The following ABR variants were observed in gnomAD, a reference collection of about 807,000 sequenced individuals.
ABR encodes the protein active breakpoint cluster region-related protein.
ABR carries 35 observed loss-of-function variants against 107.2 expected under a neutral mutation model. That is an observed-to-expected ratio of 0.33 (90% CI 0.25 to 0.43). ABR has a LOEUF of 0.43. ABR is among the 20% of genes least tolerant of loss of function. The pLI is 1.00. For missense variants in ABR, 815 were observed against 1,115.2 expected, an observed-to-expected ratio of 0.73 and a Z score of 3.83; for synonymous variants, 498 against 462.0, an observed-to-expected ratio of 1.08 and a Z score of -1.00.
At position 1,117,561 on chromosome 17, in the gene ABR, GTTATCCCTGAGCCCGAGTTCCTCCCAGCA is replaced by G. The variant is rs2039074685; in HGVS notation, c.246+7593_246+7621del. Reference sequence around the variant, plus strand: ...TCCCTGAACCCGAGTTCCTCCCAGCGTTATCCCTGAGCCCGAGTTCCTCCCAGCATTATCCCTGAGCCCGAGTTCCTCCC... The same window carrying G: ...TCCCTGAACCCGAGTTCCTCCCAGCGTTATCCCTGAGCCCGAGTTCCTCCC... On this transcript the variant is annotated intron_variant, in intron 2 of 22. Coordinates refer to ENST00000302538, the MANE Select transcript of ABR (RefSeq NM_021962.5). Among the ~76,000 whole-genome samples, 32 of 15,500 alleles carry G rather than the reference GTTATCCCTGAGCCCGAGTTCCTCCCAGCA, an allele frequency of 2.1e-3. 7 individuals carry two copies. The highest frequency in any genetic ancestry group is 3.6e-3 in the Admixed American group (6 of 1,682). 10.2% of individuals were successfully genotyped at this position (15,500 alleles called of 152,430 possible).
intron 5 of ABR, among the ~76,000 whole-genome samples, 196 bp from the exon 6 acceptor site, chr17:1,079,586 C>G (rs550414975): frequency 1.3e-5 from 2 of 151,940 alleles, no homozygotes; most frequent in Non-Finnish European, 2.9e-5. Flanking sequence ...GTCGGAAGTT[C>G]GAGACCAGCC....
chr17:1,183,933 A>G (rs62070500), upstream of ABR, among the ~76,000 whole-genome samples: 21,255 of 152,212 alleles, frequency 0.14, 2,933 homozygotes, highest in African/African-American at 0.35. Context: ...GGGACTGGCC[A>G]GGCGCGGTGG....
At chr17:1,066,530 ACT>A in intron 10 of ABR, among the ~76,000 whole-genome samples, 1 of 144,626 alleles carries the variant, frequency 6.9e-6, no homozygotes, top group Non-Finnish European at 1.5e-5. Context: ...CTCTACCTCC[ACT>A]TTTTTTTTTT....
chr17:1,113,665 A>C (rs1010041115), intron 2 of ABR, among the ~76,000 whole-genome samples: 1 of 152,090 alleles, frequency 6.6e-6, no homozygotes, highest in East Asian at 1.9e-4. Flanking sequence ...GCTGCGTCAG[A>C]TGTGCCCGCT....
At chr17:1,082,819 C>T (rs1296721951) in intron 5 of ABR, among the ~76,000 whole-genome samples, 1 of 152,140 alleles carries the variant, frequency 6.6e-6, no homozygotes. Context: ...CCCAGTGATT[C>T]TTATCAAGCA....
intron 1 of ABR, among the ~76,000 whole-genome samples, chr17:1,159,923 G>A (rs999671678): frequency 1.3e-5 from 2 of 152,224 alleles, no homozygotes; most frequent in African/African-American, 4.8e-5. Context: ...TCCAGGGCCT[G>A]ATCTCGGCGA....
chr17:1,194,582 C>T lies in ABR; in HGVS notation c.838+34211G>A, dbSNP rs2150701771. Among the ~76,000 whole-genome samples, 2 of 129,314 alleles carry T rather than the reference C, an allele frequency of 1.5e-5. 1 individual carries two copies. Among genetic ancestry groups the T allele is most frequent in the Admixed American group, 1.9e-4 (2 of 10,654 alleles). The allele number at this position is 129,314 out of a possible 152,430, so 84.8% of individuals were successfully genotyped here. A position where few individuals can be genotyped will look rare whatever the true frequency, so the allele number is the denominator to read the frequency against. On this transcript the variant is annotated intron_variant, in intron 1 of 22. Coordinates refer to the ABR transcript ENST00000574139. ...TCATAGCTCACTACAGTCTCGACCT[C>T]CCAGGCTCAAGCCATCCCCCTGCCT...
chr17:1,017,464 CTTT>C lies in ABR; in HGVS notation c.1792-4303_1792-4301del, dbSNP rs61229673. Among the ~76,000 whole-genome samples, 174 of 104,558 alleles carry C rather than the reference CTTT, an allele frequency of 1.7e-3. 1 individual carries two copies. The highest frequency in any genetic ancestry group is 2.6e-3 in the Non-Finnish European group (137 of 53,712). The allele number at this position is 104,558 out of a possible 152,430, so 68.6% of individuals were successfully genotyped here. On this transcript the variant is annotated intron_variant, in intron 16 of 22. Coordinates refer to ENST00000302538, the MANE Select transcript of ABR (RefSeq NM_021962.5). ...AAACATTCTGGAGCGGCCATGCCCT[CTTT>C]TTTTTTTTTTTTTTTTTTTGAGACA...
At chr17:1,097,980 A>G (rs1343682146) in intron 3 of ABR, among the ~76,000 whole-genome samples, 1 of 152,206 alleles carries the variant, frequency 6.6e-6, no homozygotes, top group Non-Finnish European at 1.5e-5. Flanking sequence ...CCATGGAAAG[A>G]GAGAGAAAGA....
chr17:1,181,641 G>A (rs1301234484), upstream of ABR, among the ~76,000 whole-genome samples: 4 of 152,202 alleles, frequency 2.6e-5, no homozygotes, highest in African/African-American at 7.2e-5. Context: ...CTTCGGCATG[G>A]GAAGGGAACG....
chr17:1,076,178 C>T (rs1304877657), intron 6 of ABR, among the ~76,000 whole-genome samples: 2 of 152,220 alleles, frequency 1.3e-5, no homozygotes, highest in African/African-American at 2.4e-5. Context: ...GTTGGGATTA[C>T]AGGCATGAGT....
chr17:1,090,722 A>T (rs78632934), intron 4 of ABR, among the ~76,000 whole-genome samples: 1,605 of 152,340 alleles, frequency 0.011, 38 homozygotes, highest in East Asian at 0.095. Context: ...CCATTCAGCC[A>T]GAACACGGCA....
intron 1 of ABR, among the ~76,000 whole-genome samples, chr17:1,185,661 A>AATAAAAT (rs1567873612): frequency 4.7e-5 from 7 of 148,118 alleles, no homozygotes; most frequent in African/African-American, 1.7e-4. Context: ...AAATAAAAAA[A>AATAAAAT]AAAAAAAAAA....
Position 1,084,308 on chromosome 17 carries a change from T to A in ABR, c.532-681A>T, listed in dbSNP as rs1483788171. 6.6e-6 allele frequency among the ~76,000 whole-genome samples: 1 copy of A among 152,176 alleles called. No homozygotes were observed. On this transcript the variant is annotated intron_variant, in intron 4 of 22. Transcript: ENST00000302538. The surrounding 1 kb of genome is among the most constrained non-coding windows in gnomAD (Gnocchi z 4.2). ...AGGAGAATCGCTTGAACCCAAGAGG[T>A]GGAGGCTGCAGTGAACCAAGATCGT...
chr17:1,029,884 CG>C (rs2072575645), intron 16 of ABR, among the ~76,000 whole-genome samples: 1 of 57,388 alleles, frequency 1.7e-5, no homozygotes, highest in African/African-American at 9.2e-5. Flanking sequence ...CCTGCGTCCA[CG>C]ACACGGACAC....
At chr17:1,056,967 C>A in intron 13 of ABR, 31 bp downstream of exon 13, 1 of 1,521,768 alleles carries the variant, frequency 6.6e-7, no homozygotes, top group South Asian at 1.1e-5. Context: ...TGGGACCTGC[C>A]GGTTGGGCCA....
At chr17:1,013,481 G>C (rs917837470) in intron 16 of ABR, among the ~76,000 whole-genome samples, 6 of 150,884 alleles carry the variant, frequency 4.0e-5, no homozygotes, top group Non-Finnish European at 7.4e-5. Context: ...CACCCTGTTA[G>C]GCACTCCTGG....
intron 1 of ABR, among the ~76,000 whole-genome samples, chr17:1,167,717 T>C (rs553139491): frequency 6.6e-6 from 1 of 152,332 alleles, no homozygotes; most frequent in South Asian, 2.1e-4. Flanking sequence ...AATGAGATAC[T>C]GTTAGCAAAG....
chr17:1,100,531 G>A (rs933742714), intron 3 of ABR, 106 bp downstream of exon 3: 127 of 1,048,792 alleles, frequency 1.2e-4, no homozygotes, highest in Middle Eastern at 2.5e-4. Context: ...AGGGAGGGAC[G>A]GGTACGGTCC....
Sources: gnomAD v4.1 joint callset for allele counts (sites outside exome capture counted in the v4.1 genomes callset) on GRCh38, gnomAD v4.1.1 for gene constraint, Gnocchi (gnomAD v3.1) non-coding constraint, MANE v1.5 for transcripts, NCBI Gene and HGNC (gene_info 2026-07-23, HGNC 2026-07-21) for gene names.